The following PMS1 variants were observed in gnomAD, a reference collection of about 807,000 sequenced individuals.
The protein encoded by PMS1 is PMS1 protein homolog 1.
Under a neutral mutation model 93.1 loss-of-function variants are expected in PMS1, and 79 were observed. The observed-to-expected ratio is 0.85, with a 90% CI of 0.71 to 1.02. PMS1 has a LOEUF of 1.02. Among genes scored for constraint, PMS1 ranks in the 50% least tolerant of loss-of-function variants. The pLI is 0.00. For synonymous variants in PMS1, 335 were observed against 363.4 expected (o/e 0.92, Z 0.89); for missense variants, 1,064 against 1,085.3 (o/e 0.98, Z 0.28).
intron 4 of PMS1, among the ~76,000 whole-genome samples, chr2:189,812,420 A>G (rs890296119): frequency 6.6e-6 from 1 of 152,246 alleles, no homozygotes; most frequent in Non-Finnish European, 1.5e-5. Context: ...ATCTCCCACC[A>G]TGCACTACAA....
intron 5 of PMS1, among the ~76,000 whole-genome samples, chr2:189,819,369 T>C (rs920429379): frequency 1.3e-5 from 2 of 152,194 alleles, no homozygotes; most frequent in African/African-American, 2.4e-5. Context: ...GTCCTTCTGG[T>C]ATAATGATTT....
intron 3 of PMS1, among the ~76,000 whole-genome samples, chr2:189,803,744 A>G (rs566817492): frequency 6.6e-6 from 1 of 152,374 alleles, no homozygotes; most frequent in Non-Finnish European, 1.5e-5. Flanking sequence ...TGTATTTCAT[A>G]AATTTATGAA....
rs542744208 is a variant in PMS1 at position 189,877,603 on chromosome 2, C to T, written c.*167C>T. 2.7e-5 allele frequency: 16 copies of T among 591,062 alleles called. No individual in the cohort carries two copies. The highest frequency in any genetic ancestry group is 1.7e-4 in the African/African-American group (9 of 53,826). The allele number at this position is 591,062 out of a possible 1,614,324, so 36.6% of individuals were successfully genotyped here. A position where few individuals can be genotyped will look rare whatever the true frequency, so the allele number is the denominator to read the frequency against. On this transcript the variant is annotated 3_prime_UTR_variant, in exon 13 of 13. Transcript: ENST00000441310. ...AAAAAGTTCCACGTATTGTAGAAAA[C>T]GTAAATAAACTAATATAGACTATTC...
intron 5 of PMS1, among the ~76,000 whole-genome samples, chr2:189,821,726 T>A (rs932899090): frequency 6.7e-6 from 1 of 148,684 alleles, no homozygotes; most frequent in Admixed American, 6.7e-5. Flanking sequence ...GGAGAATCTC[T>A]TGAACCTAGG....
intron 12 of PMS1, among the ~76,000 whole-genome samples, chr2:189,875,468 AG>A (rs1205566887): frequency 3.9e-4 from 59 of 152,096 alleles, no homozygotes; most frequent in Non-Finnish European, 2.9e-5. Flanking sequence ...TCCATGTATA[AG>A]TGGACCCACA....
intron 3 of PMS1, among the ~76,000 whole-genome samples, chr2:189,804,553 T>C (rs941828380): frequency 1.3e-5 from 2 of 152,186 alleles, no homozygotes; most frequent in African/African-American, 4.8e-5. Flanking sequence ...CTGCTGGTAC[T>C]GTGAGCTGGA....
chr2:189,828,638 T>C (rs2052655259), intron 5 of PMS1, among the ~76,000 whole-genome samples: 1 of 152,110 alleles, frequency 6.6e-6, no homozygotes, highest in Non-Finnish European at 1.5e-5. Context: ...AAAATCATGC[T>C]CTAGATGAAA....
intron 5 of PMS1, among the ~76,000 whole-genome samples, chr2:189,818,903 T>G (rs1486177908): frequency 6.6e-6 from 1 of 152,246 alleles, no homozygotes; most frequent in Non-Finnish European, 1.5e-5. Flanking sequence ...GTTGATTCTT[T>G]GGAAGAGTGT....
intron 5 of PMS1, among the ~76,000 whole-genome samples, chr2:189,827,266 T>G (rs982308375): frequency 2.6e-5 from 4 of 152,226 alleles, no homozygotes; most frequent in Non-Finnish European, 5.9e-5. Flanking sequence ...CACATTTCTC[T>G]ATTCCAACAC....
intron 2 of PMS1, 109 bp downstream of exon 2, chr2:189,792,050 A>T: frequency 1.0e-6 from 1 of 963,744 alleles, no homozygotes; most frequent in South Asian, 1.4e-5. Context: ...CCAATAAATT[A>T]TTCTTAGGAC....
In PMS1 at chr2:189,837,648, T is replaced by G. The variant is rs945950785; in HGVS notation, c.583-6316T>G. 3.3e-5 allele frequency among the ~76,000 whole-genome samples: 5 copies of G among 152,192 alleles called. No homozygotes were observed. In the South Asian group the frequency reaches 6.2e-4, roughly 19 times the overall value. On this transcript the variant is annotated intron_variant, in intron 5 of 12. Coordinates refer to ENST00000441310, the MANE Select transcript of PMS1 (RefSeq NM_000534.5). ...CAGTCTGGCAGTTCTTCAAAAAACA[T>G]GGAGCTACCATGTGGCCCAGCAGTT...
At position 189,793,272 on chromosome 2, in the gene PMS1, G is replaced by C. The variant is rs1045405944; in HGVS notation, c.132+1331G>C. Among the ~76,000 whole-genome samples the C allele has an allele frequency of 1.1e-4, 17 of 152,188 alleles. 1 individual carries two copies. Among genetic ancestry groups the C allele is most frequent in the Non-Finnish European group, 7.3e-5 (5 of 68,040 alleles). ...GTTCTCATGATGTTTGGGTGCATCA[G>C]AATAACTTAGGATGTTTGTTAAAAC... On this transcript the variant is annotated intron_variant, in intron 2 of 12. Transcript: ENST00000441310.
chr2:189,846,600 G>A (rs1331378985), intron 6 of PMS1, among the ~76,000 whole-genome samples: 2 of 151,732 alleles, frequency 1.3e-5, no homozygotes, highest in African/African-American at 4.8e-5. Flanking sequence ...GATCCCTTGA[G>A]CCCAAAAGTT....
At chr2:189,857,479 C>A (rs1446014505) in intron 9 of PMS1, 2 of 469,140 alleles carry the variant, frequency 4.3e-6, no homozygotes, top group Non-Finnish European at 8.8e-6. Flanking sequence ...TCTTGGAGTT[C>A]TGTCCATGAT....
At chr2:189,830,285 T>C (rs563934865) in intron 5 of PMS1, among the ~76,000 whole-genome samples, 18 of 152,330 alleles carry the variant, frequency 1.2e-4, no homozygotes, top group Non-Finnish European at 2.1e-4. Context: ...TTCATTAATC[T>C]TTTTCCTTTT....
rs528860435 is a variant in PMS1, at chr2:189,868,436, T to C, written c.2473+507T>C. Among the ~76,000 whole-genome samples, 100 of 152,340 alleles carry C rather than the reference T, an allele frequency of 6.6e-4. 1 individual carries two copies. Among genetic ancestry groups the C allele is most frequent in the Non-Finnish European group, 9.3e-4 (63 of 68,018 alleles). ...CCTCTTTGCTCAGTATGGAAATTCA[T>C]TGGGTGGATTTAAAAAGAAAAAAGA... On this transcript the variant is annotated intron_variant, in intron 11 of 12. Coordinates refer to ENST00000441310, the MANE Select transcript of PMS1 (RefSeq NM_000534.5).
chr2:189,864,189 C>G lies in PMS1; in HGVS notation c.2303C>G (p.Pro768Arg), dbSNP rs2056332215. The G allele has an allele frequency of 3.1e-6, 5 of 1,609,882 alleles. No individual in the cohort carries two copies. The highest frequency in any genetic ancestry group is 4.2e-6 in the Non-Finnish European group (5 of 1,176,872). Residue 768 changes from proline to arginine, a missense_variant, in exon 10 of 13, where the codon CCT becomes CGT. Coordinates refer to ENST00000441310, the MANE Select transcript of PMS1 (RefSeq NM_000534.5). ...AGACTTCTTGAGAATCATAAACTTC[C>G]TGCAGAGCCACTGGAAAAGCCAATT... Reference protein sequence around the residue: ...FKRLLENHKLPAEPLEKPIML... With the variant: ...FKRLLENHKLRAEPLEKPIML...
chr2:189,845,742 T>G (rs2054199610), intron 6 of PMS1, among the ~76,000 whole-genome samples: 1 of 152,172 alleles, frequency 6.6e-6, no homozygotes, highest in Middle Eastern at 3.2e-3. Flanking sequence ...TTCTTTTTTT[T>G]CTTTTTGAGA....
chr2:189,826,509 A>T (rs2052444918), intron 5 of PMS1, among the ~76,000 whole-genome samples: 1 of 149,548 alleles, frequency 6.7e-6, no homozygotes, highest in Non-Finnish European at 1.5e-5. Flanking sequence ...AATGGTTTTC[A>T]TGTGTTCCTC....
Sources: gnomAD v4.1 joint callset for allele counts (sites outside exome capture counted in the v4.1 genomes callset) on GRCh38, gnomAD v4.1.1 for gene constraint, MANE v1.5 for transcripts, NCBI Gene and HGNC (gene_info 2026-07-23, HGNC 2026-07-21) for gene names.